The following CDKAL1 variants were observed in gnomAD, a reference collection of about 807,000 sequenced individuals.
CDKAL1 encodes the protein CDKAL1 threonylcarbamoyladenosine tRNA methylthiotransferase.
In CDKAL1, 32 loss-of-function variants were observed where a neutral mutation model predicts 68.2. The ratio of observed to expected loss-of-function variants is 0.47; its 90% CI spans 0.35 to 0.63. CDKAL1 has a LOEUF of 0.63. Among genes scored for constraint, CDKAL1 ranks in the 30% least tolerant of loss-of-function variants. The pLI, the probability that CDKAL1 is intolerant of heterozygous loss-of-function variation, is 0.00. For synonymous variants in CDKAL1, 234 were observed against 244.3 expected, an observed-to-expected ratio of 0.96 and a Z score of 0.39; for missense variants, 606 against 696.7, an observed-to-expected ratio of 0.87 and a Z score of 1.47.
intron 5 of CDKAL1, among the ~76,000 whole-genome samples, chr6:20,669,095 GT>G (rs774882470): frequency 6.6e-6 from 1 of 152,116 alleles, no homozygotes; most frequent in Non-Finnish European, 1.5e-5. Flanking sequence ...GTAGCTGTCA[GT>G]TTTCTCCACT....
intron 5 of CDKAL1, among the ~76,000 whole-genome samples, chr6:20,702,154 G>T (rs1035650775): frequency 6.6e-6 from 1 of 152,064 alleles, no homozygotes; most frequent in African/African-American, 2.4e-5. Flanking sequence ...TGTCCCCCTC[G>T]CAGGGCGTGT....
chr6:20,761,453 AT>A (rs1184983222), intron 7 of CDKAL1, among the ~76,000 whole-genome samples: 1 of 152,236 alleles, frequency 6.6e-6, no homozygotes, highest in Non-Finnish European at 1.5e-5. Flanking sequence ...ACTTACGTCT[AT>A]ACAAAAACCT....
chr6:21,128,281 A>T (rs1450912773), intron 13 of CDKAL1, among the ~76,000 whole-genome samples: 1 of 152,220 alleles, frequency 6.6e-6, no homozygotes, highest in African/African-American at 2.4e-5. Context: ...TGTTCTGAGC[A>T]TGTTTAAGGT....
chr6:21,187,300 A>G (rs1778055322), intron 13 of CDKAL1, among the ~76,000 whole-genome samples: 1 of 152,184 alleles, frequency 6.6e-6, no homozygotes, highest in South Asian at 2.1e-4. Flanking sequence ...TGACCAAGTC[A>G]CTTAATCTCT....
intron 5 of CDKAL1, among the ~76,000 whole-genome samples, chr6:20,710,096 C>T (rs1771780547): frequency 6.6e-6 from 1 of 152,110 alleles, no homozygotes; most frequent in East Asian, 1.9e-4. Context: ...GTTAAAACTT[C>T]CCTGAGTAAT....
At chr6:21,141,158 C>T (rs987082895) in intron 13 of CDKAL1, among the ~76,000 whole-genome samples, 1 of 152,182 alleles carries the variant, frequency 6.6e-6, no homozygotes, top group Non-Finnish European at 1.5e-5. Context: ...ACCACTCCCC[C>T]CTTGCACGCT....
Position 21,069,038 on chromosome 6 carries a change from A to G in CDKAL1, c.1236+3810A>G, listed in dbSNP as rs536867172. ...AAAATATATTTATTTTGCCCAACTA[A>G]TTCACTTATTAATTCTAATAGTGTT... On this transcript the variant is annotated intron_variant, in intron 12 of 15. Coordinates refer to ENST00000274695, the MANE Select transcript of CDKAL1 (RefSeq NM_017774.3). 3.9e-5 allele frequency among the ~76,000 whole-genome samples: 6 copies of G among 152,336 alleles called. No individual in the cohort carries two copies. The South Asian group carries it at 1.2e-3, about 32-fold the overall frequency.
chr6:20,831,159 T>A (rs1777702074), intron 8 of CDKAL1, among the ~76,000 whole-genome samples: 2 of 152,016 alleles, frequency 1.3e-5, no homozygotes, highest in Non-Finnish European at 2.9e-5. Flanking sequence ...ACCATTACAA[T>A]CAATACATTT....
At chr6:21,174,914 AT>A (rs1777521707) in intron 13 of CDKAL1, among the ~76,000 whole-genome samples, 1 of 152,206 alleles carries the variant, frequency 6.6e-6, no homozygotes, top group Non-Finnish European at 1.5e-5. Context: ...AAATTATGGC[AT>A]CTTCATTATA....
intron 2 of CDKAL1, among the ~76,000 whole-genome samples, chr6:20,544,236 T>C (rs1259574859): frequency 6.6e-6 from 1 of 152,128 alleles, no homozygotes; most frequent in African/African-American, 2.4e-5. Flanking sequence ...TTATGTTCCA[T>C]TGATCTATAT....
intron 10 of CDKAL1, among the ~76,000 whole-genome samples, chr6:20,994,741 C>T (rs1031475895): frequency 5.9e-5 from 9 of 152,080 alleles, no homozygotes; most frequent in African/African-American, 1.4e-4. Flanking sequence ...TATACAATAG[C>T]GTTATGTGTA....
At chr6:20,635,090 G>C (rs1195517896) in intron 4 of CDKAL1, among the ~76,000 whole-genome samples, 1 of 152,074 alleles carries the variant, frequency 6.6e-6, no homozygotes. Context: ...TGGAAGAAGT[G>C]AGGTTTAGTC....
chr6:20,977,579 A>C (rs1490211193), intron 10 of CDKAL1, among the ~76,000 whole-genome samples: 1 of 152,184 alleles, frequency 6.6e-6, no homozygotes, highest in African/African-American at 2.4e-5. Context: ...TTTTTAAAAA[A>C]TAATTTATAT....
intron 4 of CDKAL1, among the ~76,000 whole-genome samples, chr6:20,607,736 C>T (rs539806658): frequency 2.6e-5 from 4 of 151,796 alleles, no homozygotes; most frequent in Non-Finnish European, 5.9e-5. Context: ...ACTCTTTTGC[C>T]TAGGCTGGAG....
intron 12 of CDKAL1, among the ~76,000 whole-genome samples, chr6:21,106,365 C>T (rs1025765503): frequency 6.6e-6 from 1 of 152,186 alleles, no homozygotes; most frequent in African/African-American, 2.4e-5. Flanking sequence ...CCTTCCATAA[C>T]TGCAAGTTCT....
Position 20,575,464 on chromosome 6 carries a change from A to AAAGC in CDKAL1, c.286+26762_286+26765dup, listed in dbSNP as rs1181958276. 2.2e-3 allele frequency among the ~76,000 whole-genome samples: 324 copies of AAAGC among 146,224 alleles called. 1 individual carries two copies. Among genetic ancestry groups the AAAGC allele is most frequent in the African/African-American group, 7.9e-3 (313 of 39,662 alleles). ...CACAAAAAAAAAAAAAAAAAAAAAG[A>AAAGC]AAGCAAACTGCTTTTAGAAGGGAAA... is the stretch of plus-strand genomic sequence containing the variant. On this transcript the variant is annotated intron_variant, in intron 4 of 15. Transcript: ENST00000274695.
intron 13 of CDKAL1, chr6:21,135,651 A>T (rs1333658470): frequency 4.1e-6 from 4 of 973,458 alleles, no homozygotes; most frequent in Non-Finnish European, 4.9e-6. Context: ...AGCAACATAG[A>T]AACTATTGGA....
chr6:21,185,626 T>C (rs1445333865), intron 13 of CDKAL1, among the ~76,000 whole-genome samples: 1 of 152,188 alleles, frequency 6.6e-6, no homozygotes, highest in Non-Finnish European at 1.5e-5. Context: ...GCATGATGTG[T>C]CTACGTATCT....
intron 9 of CDKAL1, among the ~76,000 whole-genome samples, chr6:20,936,290 G>A (rs1286235685): frequency 1.2e-4 from 13 of 108,802 alleles, no homozygotes; most frequent in African/African-American, 2.2e-4. Context: ...TCGCTCTGTC[G>A]CCCAGGCTGG....
Sources: allele counts gnomAD v4.1 joint callset (sites outside exome capture counted in the v4.1 genomes callset), GRCh38; gene constraint gnomAD v4.1.1; transcripts MANE v1.5; gene names NCBI Gene and HGNC (gene_info 2026-07-23, HGNC 2026-07-21).